Variants in MYL9 observed in about 807,000 individuals in gnomAD.
The protein encoded by MYL9 is myosin light chain 9.
Under a neutral mutation model 12.8 loss-of-function variants are expected in MYL9, and 7 were observed. That is an observed-to-expected ratio of 0.55 (90% CI 0.31 to 1.03). MYL9 has a LOEUF of 1.03. MYL9 is among the 50% of genes least tolerant of loss of function. The probability of loss-of-function intolerance (pLI) is 0.05; values close to 1 mark genes in which losing one functional copy is unlikely to be tolerated. For missense variants in MYL9, 190 were observed against 242.7 expected, an observed-to-expected ratio of 0.78 and a Z score of 1.44; for synonymous variants, 81 against 87.8, an observed-to-expected ratio of 0.92 and a Z score of 0.43.
chr20:36,543,449 C>T (rs2038059699), intron 1 of MYL9, among the ~76,000 whole-genome samples: 1 of 152,130 alleles, frequency 6.6e-6, no homozygotes, highest in African/African-American at 2.4e-5. Flanking sequence ...GGCCCTGGGC[C>T]CGGGGGTTTG....
chr20:36,542,419 C>T (rs2038047891), intron 1 of MYL9, among the ~76,000 whole-genome samples: 1 of 152,174 alleles, frequency 6.6e-6, no homozygotes, highest in Non-Finnish European at 1.5e-5. Flanking sequence ...ACATGGCATC[C>T]AGTCACATCC....
At position 36,545,219 on chromosome 20, in the gene MYL9, C is replaced by T. The variant is rs562742768; in HGVS notation, c.184+151C>T. 4.4e-4 allele frequency: 421 copies of T among 954,758 alleles called. 2 individuals carry two copies. Among genetic ancestry groups the T allele is most frequent in the Middle Eastern group, 3.0e-3 (9 of 2,964 alleles). 59.1% of individuals were successfully genotyped at this position (954,758 alleles called of 1,614,324 possible). A position where few individuals can be genotyped will look rare whatever the true frequency, so the allele number is the denominator to read the frequency against. On this transcript the variant is annotated intron_variant, in intron 2 of 3. Coordinates refer to ENST00000279022, the MANE Select transcript of MYL9 (RefSeq NM_006097.5). ...AGTCCATTCAACAGGGAAACTGGGC[C>T]GGGCGCGGTGGCTCACGCCTGTAAT...
rs1191910392 is a variant in MYL9 at position 36,545,059 on chromosome 20, G to T, written c.175G>T (p.Ala59Ser). Residue 59 changes from alanine to serine, a missense_variant, in exon 2 of 4, where the codon GCC becomes TCC. By Grantham distance (99) the Ala-to-Ser change is moderately conservative (BLOSUM62 1). Transcript: ENST00000279022. The part of the protein sequence containing the change: ...IDKEDLHDML[A>S]SLGKNPTDEY... The stretch of plus-strand genomic sequence containing the variant: ...CAAGGAGGACCTGCACGACATGCTG[G>T]CCTCGCTGGGTGAGCTGGGACAGGG... The T allele has an allele frequency of 6.2e-7, 1 of 1,613,832 alleles. No individual in the cohort carries two copies. The highest frequency in any genetic ancestry group is 8.5e-7 in the Non-Finnish European group (1 of 1,179,874).
chr20:36,548,896 C>T (rs1215592210), intron 3 of MYL9, among the ~76,000 whole-genome samples, 181 bp from the exon 4 acceptor site: 1 of 152,172 alleles, frequency 6.6e-6, no homozygotes, highest in African/African-American at 2.4e-5. Flanking sequence ...TCCGACACCC[C>T]TTCACGTGCA....
intron 2 of MYL9, 41 bp from the exon 3 acceptor site, chr20:36,547,991 A>G: frequency 1.9e-6 from 3 of 1,554,124 alleles, no homozygotes; most frequent in East Asian, 2.3e-5. Context: ...CTGGGGACAG[A>G]GGGCCCAGGA....
chr20:36,548,231 G>A, intron 3 of MYL9, 38 bp downstream of exon 3: 2 of 1,571,938 alleles, frequency 1.3e-6, no homozygotes, highest in South Asian at 1.2e-5. Context: ...GCATGCAAGT[G>A]GAACAGGGCC....
At position 36,548,127 on chromosome 20, in the gene MYL9, C is replaced by G; in HGVS notation, c.280C>G (p.Leu94Val). Residue 94 changes from leucine (L) to valine (V), a missense_variant, in exon 3 of 4, where the codon CTG becomes GTG. Transcript: ENST00000279022. ...GTTCCTCACCATGTTTGGGGAGAAG[C>G]TGAACGGCACGGACCCCGAGGATGT... ...TMFLTMFGEK[L>V]NGTDPEDVIR... 1 of 1,614,052 alleles carries G rather than the reference C, an allele frequency of 6.2e-7. No homozygotes were observed. The highest frequency in any genetic ancestry group is 8.5e-7 in the Non-Finnish European group (1 of 1,179,924).
intron 2 of MYL9, among the ~76,000 whole-genome samples, chr20:36,545,824 G>A (rs2038093318): frequency 6.6e-6 from 1 of 152,094 alleles, no homozygotes; most frequent in Admixed American, 6.6e-5. Flanking sequence ...GGAGGCTGAG[G>A]CAGGAGAATG....
At chr20:36,546,117 CAG>C (rs1481273458) in intron 2 of MYL9, among the ~76,000 whole-genome samples, 2 of 152,264 alleles carry the variant, frequency 1.3e-5, no homozygotes, top group African/African-American at 4.8e-5. Context: ...TTAGAACTAA[CAG>C]GGTACAAAAA....
chr20:36,543,278 G>A (rs1226834642), intron 1 of MYL9, among the ~76,000 whole-genome samples: 2 of 152,216 alleles, frequency 1.3e-5, no homozygotes, highest in Non-Finnish European at 2.9e-5. Context: ...ATGGCCCTGG[G>A]GACCAGCTGG....
chr20:36,543,898 G>A (rs769948632), intron 1 of MYL9, among the ~76,000 whole-genome samples: 13 of 152,186 alleles, frequency 8.5e-5, no homozygotes, highest in Non-Finnish European at 1.3e-4. Context: ...GCAGAGGTCA[G>A]AAGGGTAGGA....
chr20:36,541,846 C>T (rs1569529315), intron 1 of MYL9, among the ~76,000 whole-genome samples: 1 of 152,174 alleles, frequency 6.6e-6, no homozygotes, highest in African/African-American at 2.4e-5. Flanking sequence ...AGGCCCTGCC[C>T]CTTTGCTGAG....
intron 2 of MYL9, among the ~76,000 whole-genome samples, chr20:36,546,320 G>T (rs564366999): frequency 6.6e-6 from 1 of 152,320 alleles, no homozygotes; most frequent in South Asian, 2.1e-4. Context: ...CTGCCTGGGG[G>T]AGGGAGAGTC....
chr20:36,545,414 G>A (rs766445906), intron 2 of MYL9, among the ~76,000 whole-genome samples: 29 of 151,256 alleles, frequency 1.9e-4, no homozygotes, highest in Non-Finnish European at 3.2e-4. Flanking sequence ...GGAGAATGGC[G>A]TGAACCCGGA....
In MYL9 at chr20:36,544,993, G is replaced by A; in HGVS notation, c.109G>A (p.Ala37Thr). The A allele has an allele frequency of 6.2e-7, 1 of 1,614,088 alleles. No homozygotes were observed. Among genetic ancestry groups the A allele is most frequent in the East Asian group, 2.2e-5 (1 of 44,874 alleles). The change falls in exon 2 of 4, where the codon GCT becomes ACT. Residue 37 changes from alanine to threonine, a missense_variant. By Grantham distance (58) the Ala-to-Thr change is moderately conservative. Transcript: ENST00000279022. ...DQSQIQEFKE[A>T]FNMIDQNRDG... Reference sequence around the variant, plus strand: ...GTCCCAGATCCAGGAGTTTAAGGAGGCTTTCAACATGATTGACCAGAACCG... The same window carrying A: ...GTCCCAGATCCAGGAGTTTAAGGAGACTTTCAACATGATTGACCAGAACCG...
chr20:36,548,977 C>T (rs2038136904), intron 3 of MYL9, 100 bp from the exon 4 acceptor site: 4 of 1,219,578 alleles, frequency 3.3e-6, no homozygotes, highest in Non-Finnish European at 4.6e-6. Flanking sequence ...CTTCCCAGCC[C>T]CTCTAGGTCT....
chr20:36,544,054 T>C (rs1467040551), intron 1 of MYL9, among the ~76,000 whole-genome samples: 2 of 151,984 alleles, frequency 1.3e-5, no homozygotes, highest in Non-Finnish European at 2.9e-5. Context: ...TAGGTGTAGG[T>C]CAGGGTCTGT....
In MYL9 at chr20:36,549,087, TGAG is replaced by T. The variant is rs1569529839; in HGVS notation, c.360_362del (p.Glu120del). On this transcript the variant is annotated inframe_deletion, in exon 4 of 4. Transcript: ENST00000279022. ...TGCCCCTGCCCGCAGGTTTCATCCA[TGAG>T]GACCACCTCCGGGAGCTGCTCACCA... is the stretch of plus-strand genomic sequence containing the variant. 6.2e-7 allele frequency: 1 copy of T among 1,612,806 alleles called. No individual in the cohort carries two copies. The highest frequency in any genetic ancestry group is 1.7e-5 in the Admixed American group (1 of 59,970).
At chr20:36,546,440 T>G (rs987161353) in intron 2 of MYL9, among the ~76,000 whole-genome samples, 1 of 152,128 alleles carries the variant, frequency 6.6e-6, no homozygotes, top group Non-Finnish European at 1.5e-5. Context: ...AATGGGGCCA[T>G]GACCCTGACA....
Sources: allele counts gnomAD v4.1 joint callset (sites outside exome capture counted in the v4.1 genomes callset), GRCh38; gene constraint gnomAD v4.1.1; transcripts MANE v1.5; gene names NCBI Gene and HGNC (gene_info 2026-07-23, HGNC 2026-07-21).